Variants in ANAPC10 observed in about 807,000 individuals in gnomAD.
ANAPC10 encodes anaphase-promoting complex subunit 10.
In ANAPC10, 12 loss-of-function variants were observed where a neutral mutation model predicts 22.0. The observed-to-expected ratio is 0.55, with a 90% CI of 0.35 to 0.88. ANAPC10 has a LOEUF of 0.88. ANAPC10 is among the 40% of genes least tolerant of loss of function. The pLI is 0.01. For missense variants in ANAPC10, 188 were observed against 220.9 expected (o/e 0.85, Z 0.94); for synonymous variants, 65 against 69.5 (o/e 0.94, Z 0.32).
At chr4:145,036,355 G>T (rs1270362596) in intron 4 of ANAPC10, among the ~76,000 whole-genome samples, 8 of 152,124 alleles carry the variant, frequency 5.3e-5, no homozygotes, top group Non-Finnish European at 1.2e-4. Context: ...TCTAATACAG[G>T]TATCTACGTA....
Position 144,995,358 on chromosome 4 carries a change from C to T in ANAPC10, c.*15G>A, listed in dbSNP as rs17019822. On this transcript the variant is annotated 3_prime_UTR_variant, in exon 5 of 5. Coordinates refer to ENST00000507656, the MANE Select transcript of ANAPC10 (RefSeq NM_001256706.2). ...AAACAAAGATACGTTTAATGATTTT[C>T]GTCTCATTTTAAAGTCACCTTATTG... The T allele has an allele frequency of 3.3e-5, 50 of 1,500,556 alleles. No homozygotes were observed. In the African/African-American group the frequency reaches 3.5e-4, roughly 10 times the overall value. The allele number at this position is 1,500,556 out of a possible 1,614,324, so 93.0% of individuals were successfully genotyped here.
intron 4 of ANAPC10, among the ~76,000 whole-genome samples, chr4:145,036,572 C>G (rs1324177849): frequency 6.6e-6 from 1 of 152,088 alleles, no homozygotes. Flanking sequence ...TGGCCTTGAA[C>G]TCCTGGGCTC....
rs1483845976 is a variant in ANAPC10, at chr4:145,026,969, A to G, written c.328-31366T>C. Among the ~76,000 whole-genome samples the G allele has an allele frequency of 4.8e-3, 133 of 27,574 alleles. 3 individuals are homozygous for G. Among genetic ancestry groups the G allele is most frequent in the African/African-American group, 0.018 (107 of 5,872 alleles). 18.1% of individuals were successfully genotyped at this position (27,574 alleles called of 152,430 possible). On this transcript the variant is annotated intron_variant, in intron 4 of 4. Coordinates refer to ENST00000507656, the MANE Select transcript of ANAPC10 (RefSeq NM_001256706.2). ...TATGTGTGTGTGTGTATATATATAT[A>G]TATATATATATATATATATTTTTTT...
At chr4:145,018,642 C>A (rs1337230026) in intron 4 of ANAPC10, among the ~76,000 whole-genome samples, 2 of 150,080 alleles carry the variant, frequency 1.3e-5, no homozygotes, top group Non-Finnish European at 3.0e-5. Context: ...ATCTCAAAAT[C>A]TCGAAATCTA....
intron 4 of ANAPC10, among the ~76,000 whole-genome samples, chr4:145,058,599 A>G (rs1423197133): frequency 1.3e-5 from 2 of 152,220 alleles, no homozygotes. Flanking sequence ...TTCACAGAAT[A>G]AAGCATGAAT....
chr4:145,001,938 A>G (rs955826574), intron 4 of ANAPC10, among the ~76,000 whole-genome samples: 11 of 152,196 alleles, frequency 7.2e-5, no homozygotes, highest in Non-Finnish European at 1.5e-5. Flanking sequence ...GAAGTAATTC[A>G]TCAATAAAAA....
At position 145,064,473 on chromosome 4, in the gene ANAPC10, A is replaced by G. The variant is rs1037400798; in HGVS notation, c.327+99T>C. The stretch of plus-strand genomic sequence containing the variant: ...TTTCTCCAATATTTTTCTCTTATAT[A>G]TTAACATTTTAACCTGTCTAATGTA... On this transcript the variant is annotated intron_variant, in intron 4 of 4. Coordinates refer to ENST00000507656, the MANE Select transcript of ANAPC10 (RefSeq NM_001256706.2). 5.4e-6 allele frequency: 5 copies of G among 933,286 alleles called. No individual in the cohort carries two copies. The Admixed American group carries it at 1.2e-4, about 22-fold the overall frequency. The allele number at this position is 933,286 out of a possible 1,614,324, so 57.8% of individuals were successfully genotyped here.
intron 4 of ANAPC10, among the ~76,000 whole-genome samples, chr4:145,027,065 A>T (rs1736871100): frequency 8.3e-6 from 1 of 121,088 alleles, no homozygotes; most frequent in Non-Finnish European, 1.6e-5. Flanking sequence ...GTGCAGTGGC[A>T]TGATCTTGGC....
Position 145,069,587 on chromosome 4 carries a change from C to T in ANAPC10, c.207-4895G>A, listed in dbSNP as rs140018041. 7.9e-5 allele frequency among the ~76,000 whole-genome samples: 12 copies of T among 152,220 alleles called. No individual in the cohort carries two copies. In the East Asian group the frequency reaches 2.3e-3, roughly 29 times the overall value. Reference sequence around the variant, plus strand: ...AATACCTAAGACATTCGTTTGAGATCCCAGATGAGTCAAGCCTTAGTAATG... The same window carrying T: ...AATACCTAAGACATTCGTTTGAGATTCCAGATGAGTCAAGCCTTAGTAATG... On this transcript the variant is annotated intron_variant, in intron 3 of 4. Transcript: ENST00000507656.
chr4:145,037,696 CAT>C (rs1031482062), intron 4 of ANAPC10, among the ~76,000 whole-genome samples: 28 of 152,204 alleles, frequency 1.8e-4, no homozygotes, highest in Non-Finnish European at 3.8e-4. Flanking sequence ...CCTATAATCC[CAT>C]GTCTTTCGGA....
intron 3 of ANAPC10, among the ~76,000 whole-genome samples, chr4:145,066,058 T>C (rs1413785321): frequency 6.6e-6 from 1 of 152,146 alleles, no homozygotes; most frequent in East Asian, 1.9e-4. Flanking sequence ...AGTTAAGTTC[T>C]AGTATAAACT....
intron 4 of ANAPC10, among the ~76,000 whole-genome samples, chr4:145,023,549 A>G (rs1242712117): frequency 6.6e-6 from 1 of 152,148 alleles, no homozygotes; most frequent in Admixed American, 6.6e-5. Context: ...TAGACTTTCA[A>G]CCAGTTTGCA....
At chr4:145,070,214 G>A (rs777235752) in intron 3 of ANAPC10, among the ~76,000 whole-genome samples, 1 of 152,132 alleles carries the variant, frequency 6.6e-6, no homozygotes, top group Non-Finnish European at 1.5e-5. Flanking sequence ...AAATTTTATT[G>A]AAACTAAGTG....
At chr4:145,054,696 C>CTGTGTGTGTGTGCA (rs139187967) in intron 4 of ANAPC10, among the ~76,000 whole-genome samples, 2 of 142,362 alleles carry the variant, frequency 1.4e-5, no homozygotes, top group Non-Finnish European at 3.1e-5. Context: ...GTGTGTGTGC[C>CTGTGTGTGTGTGCA]TGTGTGTGTG....
intron 4 of ANAPC10, among the ~76,000 whole-genome samples, chr4:145,029,873 G>A (rs188274132): frequency 1.3e-5 from 2 of 152,188 alleles, no homozygotes; most frequent in African/African-American, 4.8e-5. Context: ...AGATTTGTGA[G>A]GGCAGCACCC....
chr4:145,069,455 G>C (rs930866762), intron 3 of ANAPC10, among the ~76,000 whole-genome samples: 2 of 152,178 alleles, frequency 1.3e-5, no homozygotes, highest in Non-Finnish European at 2.9e-5. Context: ...AACAAGCACT[G>C]GGGAAAGAAC....
chr4:145,032,453 T>C (rs915182916), intron 4 of ANAPC10, among the ~76,000 whole-genome samples: 26 of 152,354 alleles, frequency 1.7e-4, no homozygotes, highest in African/African-American at 5.8e-4. Context: ...TGGGCCTCTC[T>C]TGAGTGGTCA....
chr4:145,010,696 G>T (rs953138106), intron 4 of ANAPC10, among the ~76,000 whole-genome samples: 1 of 151,916 alleles, frequency 6.6e-6, no homozygotes, highest in African/African-American at 2.4e-5. Flanking sequence ...GAGGGGGAGG[G>T]ATAGCATTAG....
At chr4:145,070,208 T>G (rs562857754) in intron 3 of ANAPC10, among the ~76,000 whole-genome samples, 8 of 152,306 alleles carry the variant, frequency 5.3e-5, no homozygotes, top group African/African-American at 1.7e-4. Flanking sequence ...TAAATAAAAT[T>G]TTATTGAAAC....
Sources: gnomAD v4.1 joint callset for allele counts (sites outside exome capture counted in the v4.1 genomes callset) on GRCh38, gnomAD v4.1.1 for gene constraint, MANE v1.5 for transcripts, NCBI Gene and HGNC (gene_info 2026-07-23, HGNC 2026-07-21) for gene names.